KCTD8: variants seen among roughly 807,000 people sequenced by gnomAD.
KCTD8 encodes potassium channel tetramerization domain containing 8.
A neutral mutation model predicts 31.5 loss-of-function variants in KCTD8; 27 were observed. The observed-to-expected ratio is 0.86, with a 90% CI of 0.63 to 1.18. The LOEUF is 1.18. Ranked by LOEUF, KCTD8 falls within the 50% of genes most tolerant of loss-of-function variation. The probability of loss-of-function intolerance (pLI) is 0.00; values close to 1 mark genes in which losing one functional copy is unlikely to be tolerated. For missense variants in KCTD8, 658 were observed against 647.7 expected, an observed-to-expected ratio of 1.02 and a Z score of -0.17; for synonymous variants, 290 against 280.0, an observed-to-expected ratio of 1.04 and a Z score of -0.36.
chr4:44,372,527 G>T (rs973235356), intron 1 of KCTD8, among the ~76,000 whole-genome samples: 4 of 152,194 alleles, frequency 2.6e-5, no homozygotes, highest in African/African-American at 4.8e-5. Context: ...AAACTGAGTG[G>T]AAGCAAAGGG....
intron 1 of KCTD8, among the ~76,000 whole-genome samples, chr4:44,252,721 A>G (rs186556422): frequency 5.9e-5 from 9 of 151,806 alleles, no homozygotes; most frequent in Admixed American, 4.6e-4. Context: ...ATTTTTAATT[A>G]CACTCTTGGA....
chr4:44,378,906 A>G (rs953400394), intron 1 of KCTD8, among the ~76,000 whole-genome samples: 7 of 152,110 alleles, frequency 4.6e-5, no homozygotes, highest in African/African-American at 1.4e-4. Context: ...GTTTCTTCCA[A>G]AGGCTCCACA....
At chr4:44,185,400 T>C (rs1378438699) in intron 1 of KCTD8, among the ~76,000 whole-genome samples, 1 of 152,238 alleles carries the variant, frequency 6.6e-6, no homozygotes, top group Non-Finnish European at 1.5e-5. Flanking sequence ...CATTGCTAAA[T>C]ATATATTCCT....
intron 1 of KCTD8, among the ~76,000 whole-genome samples, chr4:44,435,374 T>C (rs1438456913): frequency 6.6e-6 from 1 of 152,062 alleles, no homozygotes; most frequent in East Asian, 1.9e-4. Context: ...CTCATGCTCT[T>C]TATCACAACT....
At chr4:44,441,906 CTG>C (rs1246107363) in intron 1 of KCTD8, among the ~76,000 whole-genome samples, 1 of 152,096 alleles carries the variant, frequency 6.6e-6, no homozygotes, top group East Asian at 1.9e-4. Context: ...ATTTATAAAA[CTG>C]TGGCAATGTA....
chr4:44,431,347 G>T (rs1331840977), intron 1 of KCTD8, among the ~76,000 whole-genome samples: 1 of 151,284 alleles, frequency 6.6e-6, no homozygotes, highest in African/African-American at 2.4e-5. Flanking sequence ...GTCTTCTCTT[G>T]TCTCAGTATC....
chr4:44,296,691 A>G (rs536379064), intron 1 of KCTD8, among the ~76,000 whole-genome samples: 1 of 152,218 alleles, frequency 6.6e-6, no homozygotes, highest in East Asian at 1.9e-4. Context: ...TGTGGGCTTC[A>G]CTAATATTTG....
At chr4:44,289,431 G>C (rs1489371497) in intron 1 of KCTD8, among the ~76,000 whole-genome samples, 1 of 152,070 alleles carries the variant, frequency 6.6e-6, no homozygotes, top group Non-Finnish European at 1.5e-5. Context: ...TACAATAAGG[G>C]AACATACTTT....
intron 1 of KCTD8, among the ~76,000 whole-genome samples, chr4:44,188,012 C>CAA: frequency 6.9e-6 from 1 of 145,356 alleles, no homozygotes; most frequent in Non-Finnish European, 1.5e-5. Flanking sequence ...CATGCACACA[C>CAA]AAAAAAAAAA....
At chr4:44,183,879 CAAT>C (rs1488267904) in intron 1 of KCTD8, among the ~76,000 whole-genome samples, 2 of 152,160 alleles carry the variant, frequency 1.3e-5, no homozygotes, top group Admixed American at 6.5e-5. Flanking sequence ...GTACTAAACT[CAAT>C]GATGTGTGAA....
chr4:44,344,386 G>C (rs1718987043), intron 1 of KCTD8, among the ~76,000 whole-genome samples: 1 of 152,010 alleles, frequency 6.6e-6, no homozygotes, highest in African/African-American at 2.4e-5. Context: ...GGGTCTCCCT[G>C]TGTTGCCCAG....
In KCTD8 at chr4:44,175,065, G is replaced by A; in HGVS notation, c.1147C>T (p.Gln383Ter). 1 of 1,614,032 alleles carries A rather than the reference G, an allele frequency of 6.2e-7. No individual in the cohort carries two copies. Among genetic ancestry groups the A allele is most frequent in the Non-Finnish European group, 8.5e-7 (1 of 1,179,972 alleles). Residue 383 changes from glutamine to a stop codon, truncating the protein, a stop_gained, in exon 2 of 2, where the codon CAA becomes TAA. Coordinates refer to ENST00000360029, the MANE Select transcript of KCTD8 (RefSeq NM_198353.3). LOFTEE classifies it high-confidence loss of function. Reference protein sequence around the residue: ...PSSAQQATAHQPNTLTLDRPS... With the variant: ...PSSAQQATAH Reference sequence around the variant, plus strand: ...CGATCCAATGTTAAAGTGTTAGGTTGGTGAGCTGTTGCCTGCTGGGCACTG... The same window carrying A: ...CGATCCAATGTTAAAGTGTTAGGTTAGTGAGCTGTTGCCTGCTGGGCACTG...
At position 44,403,773 on chromosome 4, in the gene KCTD8, T is replaced by A. The variant is rs554408386; in HGVS notation, c.961+43790A>T. 2.8e-4 allele frequency among the ~76,000 whole-genome samples: 43 copies of A among 152,264 alleles called. No individual in the cohort carries two copies. In the Middle Eastern group the frequency reaches 0.01, roughly 36 times the overall value. On this transcript the variant is annotated intron_variant, in intron 1 of 1. Transcript: ENST00000360029. ...GGGGATTAGGACTTCAACATATGAA[T>A]TTTGAGAGAACACAATTCAGCCCAT...
chr4:44,415,714 C>G (rs746088206), intron 1 of KCTD8, among the ~76,000 whole-genome samples: 1 of 152,188 alleles, frequency 6.6e-6, no homozygotes, highest in Non-Finnish European at 1.5e-5. Flanking sequence ...CGGTGTTAAG[C>G]CTGCAGGCAA....
intron 1 of KCTD8, among the ~76,000 whole-genome samples, chr4:44,345,722 G>A (rs1289853399): frequency 1.3e-5 from 2 of 152,046 alleles, no homozygotes; most frequent in African/African-American, 2.4e-5. Flanking sequence ...AGATGTTCAT[G>A]TTTGTTTGCT....
intron 1 of KCTD8, among the ~76,000 whole-genome samples, chr4:44,377,728 T>C (rs1273932126): frequency 6.6e-6 from 1 of 152,168 alleles, no homozygotes; most frequent in Non-Finnish European, 1.5e-5. Context: ...TATTATCCTG[T>C]AGGTAACATG....
chr4:44,209,845 A>G (rs1714431030), intron 1 of KCTD8, among the ~76,000 whole-genome samples: 1 of 152,194 alleles, frequency 6.6e-6, no homozygotes, highest in Admixed American at 6.5e-5. Context: ...AAATACATAT[A>G]TGGGAAGAGC....
At chr4:44,179,012 C>T (rs753544258) in intron 1 of KCTD8, among the ~76,000 whole-genome samples, 3 of 152,146 alleles carry the variant, frequency 2.0e-5, no homozygotes, top group Non-Finnish European at 2.9e-5. Flanking sequence ...TAGGCTTTCT[C>T]CAACTCCAAG....
chr4:44,235,210 T>A (rs923153911), intron 1 of KCTD8, among the ~76,000 whole-genome samples: 1 of 145,270 alleles, frequency 6.9e-6, no homozygotes, highest in Middle Eastern at 3.4e-3. Flanking sequence ...TTTTTTTTTA[T>A]AGACAATAGC....
Sources: gnomAD v4.1 joint callset for allele counts (sites outside exome capture counted in the v4.1 genomes callset) on GRCh38, gnomAD v4.1.1 for gene constraint, MANE v1.5 for transcripts, NCBI Gene and HGNC (gene_info 2026-07-23, HGNC 2026-07-21) for gene names.